RSRC1: variants seen among roughly 807,000 people sequenced by gnomAD.
RSRC1 encodes arginine and serine rich coiled-coil 1, also known as serine/Arginine-related protein 53.
A neutral mutation model predicts 49.1 loss-of-function variants in RSRC1; 39 were observed. That is an observed-to-expected ratio of 0.79 (90% CI 0.61 to 1.04). The LOEUF is 1.04. Ranked by LOEUF, RSRC1 falls within the 50% of genes least tolerant of loss-of-function variation. The pLI is 0.00. For missense variants in RSRC1, 388 were observed against 402.4 expected (o/e 0.96, Z 0.31); for synonymous variants, 143 against 130.8 (o/e 1.09, Z -0.63).
intron 3 of RSRC1, among the ~76,000 whole-genome samples, chr3:158,170,416 T>C (rs1718811035): frequency 6.6e-6 from 1 of 152,040 alleles, no homozygotes; most frequent in Admixed American, 6.6e-5. Context: ...CAAGAAAGCA[T>C]ACCTGTGAAG....
intron 5 of RSRC1, among the ~76,000 whole-genome samples, chr3:158,312,112 T>G (rs1728162965): frequency 6.6e-6 from 1 of 150,968 alleles, no homozygotes; most frequent in Non-Finnish European, 1.5e-5. Flanking sequence ...TTGTTGTCCC[T>G]GAGAAAGCTG....
At chr3:158,243,825 T>C (rs908196025) in intron 4 of RSRC1, among the ~76,000 whole-genome samples, 3 of 152,178 alleles carry the variant, frequency 2.0e-5, no homozygotes, top group Non-Finnish European at 4.4e-5. Context: ...AATTCATTCA[T>C]GATTTGGCTC....
At chr3:158,395,946 A>C (rs947165824) in intron 6 of RSRC1, among the ~76,000 whole-genome samples, 13 of 152,176 alleles carry the variant, frequency 8.5e-5, no homozygotes, top group African/African-American at 2.9e-4. Flanking sequence ...AGTTCCCATC[A>C]ATGGTAGACT....
intron 5 of RSRC1, among the ~76,000 whole-genome samples, chr3:158,321,294 C>CTCTTCT (rs1171298891): frequency 3.3e-5 from 5 of 150,964 alleles, no homozygotes; most frequent in South Asian, 2.1e-4. Flanking sequence ...CCTCCTCCTC[C>CTCTTCT]TCCTCTTCTT....
intron 3 of RSRC1, among the ~76,000 whole-genome samples, chr3:158,174,602 T>C (rs1719090323): frequency 6.6e-6 from 1 of 152,022 alleles, no homozygotes; most frequent in Admixed American, 6.6e-5. Context: ...TTTTGAACTT[T>C]ACATAAATGC....
At position 158,189,547 on chromosome 3, in the gene RSRC1, A is replaced by G. The variant is rs376081097; in HGVS notation, c.321-13525A>G. On this transcript the variant is annotated intron_variant, in intron 3 of 9. Transcript: ENST00000611884. ...TAGTCTTTATTTTGAAGTCTACTTT[A>G]TCTGACATTGGTATGGTTTCACCAT... 7.2e-5 allele frequency among the ~76,000 whole-genome samples: 11 copies of G among 152,018 alleles called. No homozygotes were observed. In the East Asian group the frequency reaches 1.9e-3, roughly 27 times the overall value.
chr3:158,389,127 TG>T (rs763378846), intron 6 of RSRC1, among the ~76,000 whole-genome samples: 4 of 152,324 alleles, frequency 2.6e-5, no homozygotes. Context: ...AGGATGATGT[TG>T]CCCCCTTCCC....
intron 4 of RSRC1, among the ~76,000 whole-genome samples, chr3:158,207,637 T>TTAGATAGATAGATAGATAGG (rs1721416217): frequency 6.8e-6 from 1 of 147,020 alleles, no homozygotes; most frequent in Non-Finnish European, 1.5e-5. Flanking sequence ...GTAACAGTAT[T>TTAGATAGATAGATAGATAGG]TAGATAGATA....
At chr3:158,426,709 A>G (rs1224569525) in intron 6 of RSRC1, among the ~76,000 whole-genome samples, 2 of 151,802 alleles carry the variant, frequency 1.3e-5, no homozygotes, top group African/African-American at 2.4e-5. Context: ...GTGGAAAAGC[A>G]GTTTTGGTTC....
At position 158,537,097 on chromosome 3, in the gene RSRC1, G is replaced by T; in HGVS notation, c.658G>T (p.Ala220Ser). The change falls in exon 8 of 10, where the codon GCC (alanine) becomes TCC (serine). Residue 220 changes from alanine to serine, a missense_variant. Ala to Ser is a moderately conservative substitution (Grantham distance 99). Transcript: ENST00000611884. ...CATTATACCCTCTTTTTCAGACCAAGCCACCCTGGTAGAACAAGTAAAAAG... is the reference window on the plus strand; with the variant it reads ...CATTATACCCTCTTTTTCAGACCAATCCACCCTGGTAGAACAAGTAAAAAG... ...EAKRRKEEDQ[A>S]TLVEQVKRVK... is the part of the protein sequence containing the mutation. 3 of 1,607,572 alleles carry T rather than the reference G, an allele frequency of 1.9e-6. No homozygotes were observed. The South Asian group carries it at 3.3e-5, about 18-fold the overall frequency.
chr3:158,194,896 T>C lies in RSRC1; in HGVS notation c.321-8176T>C, dbSNP rs1051361399. Among the ~76,000 whole-genome samples the C allele has an allele frequency of 2.0e-5, 3 of 152,140 alleles. 1 individual carries two copies. Among genetic ancestry groups the C allele is most frequent in the Non-Finnish European group, 4.4e-5 (3 of 68,038 alleles). ...CACATTTTCTTAATCCAGTCTATCA[T>C]TGTTGGACATTTAGGATAGGTTCCA... On this transcript the variant is annotated intron_variant, in intron 3 of 9. Coordinates refer to ENST00000611884, the MANE Select transcript of RSRC1 (RefSeq NM_001271838.2).
intron 7 of RSRC1, among the ~76,000 whole-genome samples, chr3:158,489,371 C>T (rs371737220): frequency 6.6e-6 from 1 of 152,334 alleles, no homozygotes; most frequent in East Asian, 1.9e-4. Flanking sequence ...TGTGCTGCTT[C>T]ATTAGGCTGG....
intron 4 of RSRC1, among the ~76,000 whole-genome samples, chr3:158,262,664 T>A (rs1724966965): frequency 6.6e-6 from 1 of 152,178 alleles, no homozygotes; most frequent in African/African-American, 2.4e-5. Flanking sequence ...AATTGACATG[T>A]TAATAATATT....
chr3:158,543,686 G>C, intron 9 of RSRC1, 199 bp downstream of exon 9: 1 of 467,442 alleles, frequency 2.1e-6, no homozygotes, highest in Non-Finnish European at 3.7e-6. Flanking sequence ...AACTCATGTT[G>C]CCTAACCTGT....
rs193132259 is a variant in RSRC1 at position 158,195,651 on chromosome 3, A to C, written c.321-7421A>C. Among the ~76,000 whole-genome samples, 4 of 152,234 alleles carry C rather than the reference A, an allele frequency of 2.6e-5. No homozygotes were observed. In the East Asian group the frequency reaches 7.7e-4, roughly 29 times the overall value. ...TTTAGGTCTAAGATTTAAGTCTATA[A>C]TCCATGTTGAATTAATTTTTGTATA... is the stretch of plus-strand genomic sequence containing the variant. On this transcript the variant is annotated intron_variant, in intron 3 of 9. Coordinates refer to ENST00000611884, the MANE Select transcript of RSRC1 (RefSeq NM_001271838.2).
chr3:158,212,370 T>TAA (rs139196146), intron 4 of RSRC1, among the ~76,000 whole-genome samples: 3 of 150,898 alleles, frequency 2.0e-5, no homozygotes, highest in African/African-American at 7.3e-5. Flanking sequence ...CAGACTGCAT[T>TAA]AAAAAAAAAT....
chr3:158,457,142 C>T (rs1281895124), intron 6 of RSRC1, among the ~76,000 whole-genome samples: 1 of 152,110 alleles, frequency 6.6e-6, no homozygotes, highest in Admixed American at 6.6e-5. Flanking sequence ...ATTGGAAGTA[C>T]TCGTATTAGA....
At chr3:158,493,450 T>G (rs546745962) in intron 7 of RSRC1, among the ~76,000 whole-genome samples, 5 of 152,168 alleles carry the variant, frequency 3.3e-5, no homozygotes, top group Non-Finnish European at 7.3e-5. Flanking sequence ...TACCTCTCAT[T>G]TAGAGTTATT....
chr3:158,347,574 G>T (rs1357378245), intron 5 of RSRC1, among the ~76,000 whole-genome samples: 2 of 152,054 alleles, frequency 1.3e-5, no homozygotes, highest in Non-Finnish European at 2.9e-5. Context: ...TTGAGATGGA[G>T]TCTTACTCTG....
Sources: allele counts gnomAD v4.1 joint callset (sites outside exome capture counted in the v4.1 genomes callset), GRCh38; gene constraint gnomAD v4.1.1; transcripts MANE v1.5; gene names NCBI Gene and HGNC (gene_info 2026-07-23, HGNC 2026-07-21).